The following NR2F1-AS1 variants were observed in gnomAD, a reference collection of about 807,000 sequenced individuals.
NR2F1-AS1 encodes the protein NR2F1 antisense RNA 1.
upstream of NR2F1-AS1, chr5:93,584,991 C>T (rs372818347): frequency 1.9e-3 from 1,838 of 980,696 alleles, 2 homozygotes; most frequent in Non-Finnish European, 2.2e-3. Flanking sequence ...GCGAGCAGCT[C>T]GGCTCCCCCC....
At chr5:93,552,799 T>C (rs1036443354) in intron 4 of NR2F1-AS1, among the ~76,000 whole-genome samples, 2 of 152,224 alleles carry the variant, frequency 1.3e-5, no homozygotes, top group Admixed American at 6.5e-5. Context: ...TAAGTGACTG[T>C]AGCAAGTTAC....
chr5:93,446,778 C>T (rs1749719447), intron 4 of NR2F1-AS1, among the ~76,000 whole-genome samples: 1 of 152,176 alleles, frequency 6.6e-6, no homozygotes, highest in African/African-American at 2.4e-5. Context: ...AAGCTGGAGA[C>T]ATCACGCTAC....
At chr5:93,467,220 T>C (rs976893777) in intron 4 of NR2F1-AS1, among the ~76,000 whole-genome samples, 2 of 152,196 alleles carry the variant, frequency 1.3e-5, no homozygotes, top group African/African-American at 4.8e-5. Flanking sequence ...AAGTAATTTA[T>C]AAATTCAGTG....
intron 4 of NR2F1-AS1, among the ~76,000 whole-genome samples, chr5:93,490,317 A>G (rs1750808661): frequency 6.6e-6 from 1 of 152,236 alleles, no homozygotes; most frequent in South Asian, 2.1e-4. Context: ...GTAAATAAAT[A>G]TTTGGGCTAT....
At chr5:93,437,090 C>T (rs945059881) in intron 4 of NR2F1-AS1, among the ~76,000 whole-genome samples, 1 of 151,736 alleles carries the variant, frequency 6.6e-6, no homozygotes, top group Non-Finnish European at 1.5e-5. Context: ...AAAAAACATA[C>T]CACAGTATTT....
chr5:93,524,176 C>G (rs1040480770), intron 4 of NR2F1-AS1, among the ~76,000 whole-genome samples: 2 of 151,816 alleles, frequency 1.3e-5, no homozygotes. Context: ...TCTGATGGAG[C>G]TCAAAAACAC....
At chr5:93,541,631 C>A (rs917935190) in intron 4 of NR2F1-AS1, among the ~76,000 whole-genome samples, 4 of 152,078 alleles carry the variant, frequency 2.6e-5, no homozygotes, top group African/African-American at 9.7e-5. Context: ...TGGATATAAT[C>A]GAAAATTTGA....
intron 4 of NR2F1-AS1, among the ~76,000 whole-genome samples, chr5:93,475,936 T>A (rs1750474847): frequency 6.6e-6 from 1 of 152,240 alleles, no homozygotes; most frequent in African/African-American, 2.4e-5. Context: ...ATTAGTTCAC[T>A]ACTAGAGTTT....
At chr5:93,505,010 G>A (rs1014333820) in intron 4 of NR2F1-AS1, among the ~76,000 whole-genome samples, 3 of 152,164 alleles carry the variant, frequency 2.0e-5, no homozygotes, top group African/African-American at 7.2e-5. Context: ...GACCAGGCAA[G>A]TCCCTTCCGC....
intron 4 of NR2F1-AS1, among the ~76,000 whole-genome samples, chr5:93,479,540 AC>A (rs1447173669): frequency 2.6e-5 from 4 of 152,120 alleles, no homozygotes; most frequent in Non-Finnish European, 5.9e-5. Context: ...AACAACAACA[AC>A]CCTTCATGTA....
At chr5:93,461,424 C>A (rs905906041) in intron 4 of NR2F1-AS1, among the ~76,000 whole-genome samples, 8 of 152,082 alleles carry the variant, frequency 5.3e-5, no homozygotes, top group African/African-American at 1.9e-4. Context: ...GTGCAGCAAA[C>A]CACCATGGCA....
chr5:93,432,601 T>A (rs550462976), intron 4 of NR2F1-AS1: 2 of 152,320 alleles, frequency 1.3e-5, no homozygotes, highest in African/African-American at 4.8e-5. Context: ...TTACCATATC[T>A]CAGAGAGTAA....
At chr5:93,437,804 G>A (rs1749475103) in intron 4 of NR2F1-AS1, among the ~76,000 whole-genome samples, 1 of 152,138 alleles carries the variant, frequency 6.6e-6, no homozygotes, top group Admixed American at 6.6e-5. Context: ...ATATTTTATT[G>A]TTTTATTATC....
chr5:93,450,831 G>A (rs888584529), intron 4 of NR2F1-AS1, among the ~76,000 whole-genome samples: 4 of 149,084 alleles, frequency 2.7e-5, no homozygotes, highest in East Asian at 2.0e-4. Context: ...GGGAGGGATC[G>A]CTTGAGCAGG....
upstream of NR2F1-AS1, chr5:93,583,916 AAAG>A (rs759154495): frequency 2.6e-5 from 4 of 152,330 alleles, no homozygotes; most frequent in South Asian, 2.1e-4. Flanking sequence ...TCACCTCCCG[AAAG>A]AAGAAGGCAG....
intron 1 of NR2F1-AS1, chr5:93,569,913 A>G (rs950966040): frequency 3.9e-5 from 6 of 152,186 alleles, no homozygotes; most frequent in African/African-American, 1.4e-4. Flanking sequence ...CAGCGCCTCT[A>G]GTGCAACATC....
intron 4 of NR2F1-AS1, among the ~76,000 whole-genome samples, chr5:93,519,897 CTCA>C (rs1350571414): frequency 1.6e-4 from 25 of 152,108 alleles, no homozygotes; most frequent in Admixed American, 6.6e-5. Context: ...TAGAATATTA[CTCA>C]TCTATGATGA....
chr5:93,524,021 A>T lies in NR2F1-AS1; in HGVS notation n.638+29740T>A, dbSNP rs1239985746. On this transcript the variant is annotated intron_variant and non_coding_transcript_variant, in intron 4 of 5. Coordinates refer to ENST00000660523, the Ensembl canonical transcript of NR2F1-AS1. ...GAGAATGAGTTTGAAAAATTGACAG[A>T]AGTAGACTTCAGAAGGTGGGTAATA... Among the ~76,000 whole-genome samples, 4 of 152,110 alleles carry T rather than the reference A, an allele frequency of 2.6e-5. No homozygotes were observed. In the East Asian group the frequency reaches 7.7e-4, roughly 29 times the overall value.
rs1018041084 is a variant in NR2F1-AS1, at chr5:93,505,824, G to A, written n.638+47937C>T. Among the ~76,000 whole-genome samples the A allele has an allele frequency of 2.6e-5, 4 of 152,208 alleles. No individual in the cohort carries two copies. In the South Asian group the frequency reaches 6.2e-4, roughly 24 times the overall value. ...CAGGCTTGTGATGGGAGGGCCTGCT[G>A]TGAAGGTCTCTGACATGGCCTAGAG... On this transcript the variant is annotated intron_variant and non_coding_transcript_variant, in intron 4 of 5. Coordinates refer to ENST00000660523, the Ensembl canonical transcript of NR2F1-AS1.
Sources: allele counts gnomAD v4.1 joint callset (sites outside exome capture counted in the v4.1 genomes callset), GRCh38; gene constraint gnomAD v4.1.1; transcripts MANE v1.5; gene names NCBI Gene and HGNC (gene_info 2026-07-23, HGNC 2026-07-21).